Variants in VOPP1 observed in about 807,000 individuals in gnomAD.
VOPP1 encodes VOPP1 WW domain binding protein.
Under a neutral mutation model 23.5 loss-of-function variants are expected in VOPP1, and 8 were observed. The ratio of observed to expected loss-of-function variants is 0.34; its 90% confidence interval spans 0.20 to 0.61. VOPP1 has a LOEUF of 0.61. VOPP1 is among the 20% of genes least tolerant of loss of function. The probability of loss-of-function intolerance (pLI) is 0.78; values close to 1 mark genes in which losing one functional copy is unlikely to be tolerated. For synonymous variants in VOPP1, 83 were observed against 97.3 expected (o/e 0.85, Z 0.86); for missense variants, 174 against 238.1 (o/e 0.73, Z 1.77).
At chr7:55,436,394 A>G (rs1310471056) in intron 4 of VOPP1, among the ~76,000 whole-genome samples, 1 of 152,194 alleles carries the variant, frequency 6.6e-6, no homozygotes, top group African/African-American at 2.4e-5. Flanking sequence ...GAGGATTTAA[A>G]TGACAAATGG....
At chr7:55,522,773 G>T (rs1452995195) in intron 1 of VOPP1, among the ~76,000 whole-genome samples, 4 of 152,214 alleles carry the variant, frequency 2.6e-5, no homozygotes, top group African/African-American at 7.2e-5. Flanking sequence ...GCGAGAGCCA[G>T]GTGCAAAGGG....
chr7:55,572,008 G>C (rs898636466), intron 1 of VOPP1: 2 of 403,472 alleles, frequency 5.0e-6, no homozygotes, highest in East Asian at 4.2e-5. Context: ...GGCGGTCGGC[G>C]CGGGAAACGC....
At chr7:55,511,845 C>T (rs975423040) in intron 2 of VOPP1, among the ~76,000 whole-genome samples, 3 of 152,174 alleles carry the variant, frequency 2.0e-5, no homozygotes, top group African/African-American at 7.2e-5. Flanking sequence ...GCCTTGGGCA[C>T]GTGTTGTTAG....
intron 4 of VOPP1, among the ~76,000 whole-genome samples, chr7:55,455,268 T>TC (rs1330188355): frequency 6.6e-6 from 1 of 152,170 alleles, no homozygotes; most frequent in Non-Finnish European, 1.5e-5. Flanking sequence ...AAGGATCTCT[T>TC]CAAGGAGAAC....
chr7:55,451,893 C>T (rs9642585), intron 4 of VOPP1, among the ~76,000 whole-genome samples: 46,427 of 152,086 alleles, frequency 0.31, 7,686 homozygotes, highest in Non-Finnish European at 0.38. Flanking sequence ...CCAGTGTTGA[C>T]GGCTGCTAAC....
chr7:55,449,727 C>G (rs1322588798), intron 4 of VOPP1, among the ~76,000 whole-genome samples: 1 of 152,118 alleles, frequency 6.6e-6, no homozygotes, highest in African/African-American at 2.4e-5. Context: ...GAGAGGAGAG[C>G]AGCGAGCAGC....
At chr7:55,448,084 C>G (rs1791146059) in intron 4 of VOPP1, among the ~76,000 whole-genome samples, 2 of 152,076 alleles carry the variant, frequency 1.3e-5, no homozygotes, top group South Asian at 4.1e-4. Flanking sequence ...TGGCAGAATT[C>G]ATAATAATTC....
chr7:55,524,910 A>G (rs1471367119), intron 1 of VOPP1, among the ~76,000 whole-genome samples: 1 of 152,194 alleles, frequency 6.6e-6, no homozygotes, highest in Non-Finnish European at 1.5e-5. Context: ...ACAAAGCCAG[A>G]CAGCTAGAGC....
At chr7:55,544,219 G>C (rs1797264698) in intron 1 of VOPP1, among the ~76,000 whole-genome samples, 1 of 152,196 alleles carries the variant, frequency 6.6e-6, no homozygotes, top group Non-Finnish European at 1.5e-5. Flanking sequence ...AAATCAACTG[G>C]CTGTAAATGT....
chr7:55,539,039 AAGG>A (rs1202394473), intron 1 of VOPP1, among the ~76,000 whole-genome samples: 1 of 11,724 alleles, frequency 8.5e-5, no homozygotes. Flanking sequence ...TTTAAAAAAA[AAGG>A]GGGGGGGGGA....
intron 4 of VOPP1, among the ~76,000 whole-genome samples, chr7:55,486,444 G>T (rs570513084): frequency 4.7e-4 from 72 of 152,352 alleles, no homozygotes; most frequent in African/African-American, 1.7e-3. Context: ...GAGGTCACAG[G>T]GAGGGGAGGG....
intron 1 of VOPP1, among the ~76,000 whole-genome samples, chr7:55,527,455 G>A (rs1473625935): frequency 6.6e-6 from 1 of 152,204 alleles, no homozygotes; most frequent in Non-Finnish European, 1.5e-5. Context: ...AACGATCAGA[G>A]ATGAGATCCG....
intron 2 of VOPP1, among the ~76,000 whole-genome samples, chr7:55,519,946 G>T (rs1265876399): frequency 1.3e-5 from 2 of 152,162 alleles, no homozygotes; most frequent in Non-Finnish European, 2.9e-5. Flanking sequence ...TGGCCAACAT[G>T]GTGAAACCCC....
intron 4 of VOPP1, among the ~76,000 whole-genome samples, chr7:55,443,421 G>A (rs977029425): frequency 2.6e-4 from 40 of 151,846 alleles, no homozygotes; most frequent in African/African-American, 7.5e-4. Flanking sequence ...AGGCGTGGTG[G>A]CGGGCGCCTG....
At chr7:55,461,962 G>A (rs759282065) in intron 4 of VOPP1, among the ~76,000 whole-genome samples, 17 of 152,134 alleles carry the variant, frequency 1.1e-4, no homozygotes, top group Non-Finnish European at 2.1e-4. Context: ...TTTTCATGAT[G>A]CAAATATCAG....
At chr7:55,465,366 A>G (rs1791607130) in intron 4 of VOPP1, among the ~76,000 whole-genome samples, 1 of 152,194 alleles carries the variant, frequency 6.6e-6, no homozygotes, top group South Asian at 2.1e-4. Flanking sequence ...ACACACATCA[A>G]CCTTTCAAGA....
chr7:55,530,006 C>T (rs1796409534), intron 1 of VOPP1, among the ~76,000 whole-genome samples: 3 of 152,306 alleles, frequency 2.0e-5, no homozygotes, highest in Admixed American at 1.3e-4. Context: ...ATCAATAATG[C>T]TGCCATATCC....
At chr7:55,439,934 A>G (rs1790923744) in intron 4 of VOPP1, among the ~76,000 whole-genome samples, 1 of 152,172 alleles carries the variant, frequency 6.6e-6, no homozygotes, top group Non-Finnish European at 1.5e-5. Flanking sequence ...CTGATTCAGT[A>G]GGTCTGGGTG....
At chr7:55,502,645 A>C (rs141605827) in intron 2 of VOPP1, among the ~76,000 whole-genome samples, 2 of 152,358 alleles carry the variant, frequency 1.3e-5, no homozygotes, top group Non-Finnish European at 2.9e-5. Context: ...TGTTCCAAAG[A>C]GCTGCAATTA....
Sources: allele counts gnomAD v4.1 joint callset (sites outside exome capture counted in the v4.1 genomes callset), GRCh38; gene constraint gnomAD v4.1.1; transcripts MANE v1.5; gene names NCBI Gene and HGNC (gene_info 2026-07-23, HGNC 2026-07-21).